Variants in DYNC1I2 observed in about 807,000 individuals in gnomAD.
The protein encoded by DYNC1I2 is cytoplasmic dynein 1 intermediate chain 2.
A neutral mutation model predicts 88.6 loss-of-function variants in DYNC1I2; 53 were observed. The observed-to-expected ratio is 0.60, with a 90% CI of 0.48 to 0.75. The LOEUF is 0.75. Ranked by LOEUF, DYNC1I2 falls within the 30% of genes least tolerant of loss-of-function variation. The pLI is 0.00. For missense variants in DYNC1I2, 458 were observed against 766.6 expected, an observed-to-expected ratio of 0.60 and a Z score of 4.75; for synonymous variants, 198 against 254.6, an observed-to-expected ratio of 0.78 and a Z score of 2.12.
rs61079902 is a variant in DYNC1I2, at chr2:171,733,459, C to CTTTTTTTTTTTT, written c.1536+3625_1536+3636dup. Among the ~76,000 whole-genome samples the CTTTTTTTTTTTT allele has an allele frequency of 2.7e-4, 15 of 55,802 alleles. 2 individuals are homozygous for CTTTTTTTTTTTT. The highest frequency in any genetic ancestry group is 6.0e-4 in the Admixed American group (2 of 3,354). The allele number at this position is 55,802 out of a possible 152,430, so 36.6% of individuals were successfully genotyped here. A position where few individuals can be genotyped will look rare whatever the true frequency, so the allele number is the denominator to read the frequency against. On this transcript the variant is annotated intron_variant, in intron 15 of 17. Transcript: ENST00000397119. The stretch of plus-strand genomic sequence containing the variant: ...TTTTTCTCCACAACCTTGCCAGCAT[C>CTTTTTTTTTTTT]TTTTTTTTTTTTTTTTTTTTTTTTT...
intron 11 of DYNC1I2, 136 bp from the exon 12 acceptor site, chr2:171,727,685 A>T: frequency 1.6e-6 from 1 of 643,796 alleles, no homozygotes; most frequent in Non-Finnish European, 2.4e-6. Flanking sequence ...ACTTTTAATT[A>T]ATTTACTTAG....
intron 4 of DYNC1I2, 111 bp downstream of exon 4, chr2:171,706,675 A>G: frequency 1.0e-6 from 1 of 954,662 alleles, no homozygotes; most frequent in Non-Finnish European, 1.6e-6. Flanking sequence ...TTTTCACCCA[A>G]ATTGCTGGAA....
chr2:171,747,229 A>ATATG (rs1689858321), intron 17 of DYNC1I2, among the ~76,000 whole-genome samples: 1 of 145,716 alleles, frequency 6.9e-6, no homozygotes, highest in African/African-American at 2.5e-5. Flanking sequence ...ATATATATAT[A>ATATG]TATGTTATTG....
chr2:171,700,547 C>T (rs1246604774), intron 3 of DYNC1I2, among the ~76,000 whole-genome samples: 1 of 152,208 alleles, frequency 6.6e-6, no homozygotes, highest in East Asian at 1.9e-4. Context: ...AGATGGGTCA[C>T]TAAACCAAAC....
At chr2:171,707,534 A>G (rs1686776863) in intron 5 of DYNC1I2, among the ~76,000 whole-genome samples, 157 bp downstream of exon 5, 1 of 152,176 alleles carries the variant, frequency 6.6e-6, no homozygotes, top group African/African-American at 2.4e-5. Flanking sequence ...CACTGGGAGA[A>G]AAAAAAGGTT....
At chr2:171,710,120 TATACACACACACACACACACACACACAC>T (rs1363956954) in intron 5 of DYNC1I2, among the ~76,000 whole-genome samples, 1 of 95,676 alleles carries the variant, frequency 1.0e-5, no homozygotes, top group Non-Finnish European at 2.1e-5. Flanking sequence ...TTTATGTATA[TATACACACACACACACACACACACACAC>T]ACACACACAC....
intron 3 of DYNC1I2, among the ~76,000 whole-genome samples, chr2:171,705,843 T>C (rs1293630165): frequency 3.9e-5 from 6 of 152,066 alleles, no homozygotes; most frequent in Non-Finnish European, 8.8e-5. Flanking sequence ...ATTAGAAACA[T>C]TGATGAAGTT....
chr2:171,711,300 G>A (rs1687111856), intron 5 of DYNC1I2, among the ~76,000 whole-genome samples: 1 of 152,010 alleles, frequency 6.6e-6, no homozygotes, highest in South Asian at 2.1e-4. Context: ...ACCGTGCCTG[G>A]CCCATTTTTC....
chr2:171,726,470 A>G (rs1688263496), intron 10 of DYNC1I2, 177 bp downstream of exon 10: 1 of 568,908 alleles, frequency 1.8e-6, no homozygotes, highest in Admixed American at 3.7e-5. Flanking sequence ...AAAGATTAGA[A>G]GCATTATTTA....
chr2:171,714,801 C>T (rs1341641140), intron 6 of DYNC1I2, among the ~76,000 whole-genome samples: 1 of 152,112 alleles, frequency 6.6e-6, no homozygotes, highest in Non-Finnish European at 1.5e-5. Context: ...TTAAATATTT[C>T]ATTTTAAAGT....
At position 171,723,529 on chromosome 2, in the gene DYNC1I2, C is replaced by T. The variant is rs146454370; in HGVS notation, c.512-2089C>T. On this transcript the variant is annotated intron_variant, in intron 7 of 17. Transcript: ENST00000397119. ...TGCAGGTGACTTTATGGAAGAATTT[C>T]ATTCTAATGCTTGAGTAATATAGTA... is the stretch of plus-strand genomic sequence containing the variant. Among the ~76,000 whole-genome samples, 201 of 152,262 alleles carry T rather than the reference C, an allele frequency of 1.3e-3. 2 individuals are homozygous for T. The highest frequency in any genetic ancestry group is 4.4e-3 in the African/African-American group (182 of 41,536).
chr2:171,732,883 T>G (rs1360875607), intron 15 of DYNC1I2, among the ~76,000 whole-genome samples: 1 of 152,170 alleles, frequency 6.6e-6, no homozygotes, highest in Non-Finnish European at 1.5e-5. Flanking sequence ...TTATTTTACA[T>G]TCGAAGGTAC....
chr2:171,698,336 CTCATAG>C lies in DYNC1I2; in HGVS notation c.226+5446_226+5451del, dbSNP rs1407964833. ...CATGTTTACTTTTTTGCTTTAATTA[CTCATAG>C]TCACCTCTAGGCATGGCAGATGAGT... On this transcript the variant is annotated intron_variant, in intron 3 of 17. Transcript: ENST00000397119. Among the ~76,000 whole-genome samples, 23 of 152,136 alleles carry C rather than the reference CTCATAG, an allele frequency of 1.5e-4. 1 individual carries two copies. The highest frequency in any genetic ancestry group is 1.5e-3 in the Admixed American group (23 of 15,266).
intron 2 of DYNC1I2, among the ~76,000 whole-genome samples, chr2:171,691,342 A>G (rs891878443): frequency 6.6e-6 from 1 of 152,222 alleles, no homozygotes; most frequent in African/African-American, 2.4e-5. Flanking sequence ...CTCTTTAGAC[A>G]TATCAGTGTA....
chr2:171,697,384 T>C (rs946756473), intron 3 of DYNC1I2, among the ~76,000 whole-genome samples: 1 of 152,152 alleles, frequency 6.6e-6, no homozygotes, highest in African/African-American at 2.4e-5. Context: ...TGATATCTAC[T>C]TGTTGAAGAG....
At chr2:171,699,591 AGTGTGTGTGT>A (rs3223500) in intron 3 of DYNC1I2, among the ~76,000 whole-genome samples, 99 of 137,818 alleles carry the variant, frequency 7.2e-4, no homozygotes, top group South Asian at 6.9e-3. Flanking sequence ...CATCATTTGG[AGTGTGTGTGT>A]GTGTGTGTGT....
chr2:171,719,735 G>GT (rs534033071), intron 7 of DYNC1I2, among the ~76,000 whole-genome samples: 87 of 152,250 alleles, frequency 5.7e-4, no homozygotes, highest in Non-Finnish European at 9.9e-4. Flanking sequence ...ATTCTGCCTT[G>GT]TTTTTTCTTT....
intron 1 of DYNC1I2, 167 bp downstream of exon 1, chr2:171,687,794 T>C (rs1685074615): frequency 1.3e-5 from 2 of 152,764 alleles, no homozygotes; most frequent in Admixed American, 6.5e-5. Context: ...GTGGCTACAG[T>C]TGGTGTTGGG....
At chr2:171,731,218 A>G (rs1398750938) in intron 15 of DYNC1I2, among the ~76,000 whole-genome samples, 1 of 152,166 alleles carries the variant, frequency 6.6e-6, no homozygotes, top group Non-Finnish European at 1.5e-5. Flanking sequence ...AAATTTATAC[A>G]GTGGGAAAAG....
Sources: gnomAD v4.1 joint callset for allele counts (sites outside exome capture counted in the v4.1 genomes callset) on GRCh38, gnomAD v4.1.1 for gene constraint, MANE v1.5 for transcripts, NCBI Gene and HGNC (gene_info 2026-07-23, HGNC 2026-07-21) for gene names.